The following RPS6KA1 variants were observed in gnomAD, a reference collection of about 807,000 sequenced individuals.
RPS6KA1 encodes ribosomal protein S6 kinase A1, also known as ribosomal protein S6 kinase alpha-1.
RPS6KA1 carries 48 observed loss-of-function variants against 91.3 expected under a neutral mutation model. The observed-to-expected ratio is 0.53, with a 90% CI of 0.42 to 0.67. RPS6KA1 has a LOEUF of 0.67. Among genes scored for constraint, RPS6KA1 ranks in the 30% least tolerant of loss-of-function variants. RPS6KA1 has a pLI of 0.00. For synonymous variants in RPS6KA1, 359 were observed against 384.7 expected (o/e 0.93, Z 0.78); for missense variants, 719 against 960.5 (o/e 0.75, Z 3.32).
At chr1:26,543,189 G>A in intron 2 of RPS6KA1, 1 of 1,535,704 alleles carries the variant, frequency 6.5e-7, no homozygotes, top group Non-Finnish European at 8.7e-7. Context: ...TTTCCCCAGG[G>A]TTGAGAGAGA....
rs886638626 is a variant in RPS6KA1, at chr1:26,558,502, T to G, written c.1085-305T>G. ...TCTGGCTGCTGTGCAGAGATGGACC[T>G]GAAGGGGCTGACGTAAGATGGGGAA... On this transcript the variant is annotated intron_variant, in intron 13 of 21. Transcript: ENST00000374168. This position sits in a 1 kb window ranked among gnomAD's most constrained non-coding sequence, Gnocchi z 4.0. 5.3e-5 allele frequency among the ~76,000 whole-genome samples: 8 copies of G among 152,174 alleles called. No homozygotes were observed. The highest frequency in any genetic ancestry group is 8.8e-5 in the Non-Finnish European group (6 of 68,010).
intron 17 of RPS6KA1, among the ~76,000 whole-genome samples, chr1:26,563,524 G>A (rs2076172861): frequency 6.6e-6 from 1 of 152,196 alleles, no homozygotes; most frequent in Admixed American, 6.6e-5. Context: ...ACCTTACCCA[G>A]CCTCTTTTCT....
chr1:26,553,364 G>A (rs748559933), intron 6 of RPS6KA1, 27 bp from the exon 7 acceptor site: 1 of 1,509,810 alleles, frequency 6.6e-7, no homozygotes, highest in South Asian at 1.1e-5. Context: ...GGAGGTCCCT[G>A]CTGAAGGCCC....
chr1:26,539,553 T>C (rs996232729), intron 2 of RPS6KA1, among the ~76,000 whole-genome samples: 1 of 152,224 alleles, frequency 6.6e-6, no homozygotes, highest in Non-Finnish European at 1.5e-5. Context: ...ATAAAGCCTA[T>C]TTCTCAGGGC....
chr1:26,532,176 T>C (rs1001651318), intron 1 of RPS6KA1, among the ~76,000 whole-genome samples: 1 of 151,998 alleles, frequency 6.6e-6, no homozygotes, highest in African/African-American at 2.4e-5. Context: ...GAGTAATCTA[T>C]GGGAAGCGTG....
chr1:26,560,065 A>T (rs2076140788), intron 14 of RPS6KA1, among the ~76,000 whole-genome samples: 2 of 152,238 alleles, frequency 1.3e-5, no homozygotes, highest in Non-Finnish European at 2.9e-5. Context: ...GTCTCAAAAA[A>T]TAAATAAATA....
At chr1:26,557,289 A>AT (rs2076111358) in intron 13 of RPS6KA1, among the ~76,000 whole-genome samples, 189 bp downstream of exon 13, 1 of 151,966 alleles carries the variant, frequency 6.6e-6, no homozygotes, top group African/African-American at 2.4e-5. Context: ...CTCTCTCACT[A>AT]TGGGGCTCTG....
intron 4 of RPS6KA1, among the ~76,000 whole-genome samples, chr1:26,550,207 A>G (rs1249735806): frequency 9.2e-6 from 1 of 108,648 alleles, no homozygotes. Context: ...TTTTTGAGGC[A>G]GAGTCTCACT....
At chr1:26,545,178 C>CT (rs2075982203) in intron 2 of RPS6KA1, among the ~76,000 whole-genome samples, 2 of 148,760 alleles carry the variant, frequency 1.3e-5, no homozygotes, top group Non-Finnish European at 3.0e-5. Flanking sequence ...TTTTCTTTTT[C>CT]TTTTTTTTTG....
chr1:26,562,045 T>C (rs1477831967), intron 17 of RPS6KA1, among the ~76,000 whole-genome samples: 1 of 151,886 alleles, frequency 6.6e-6, no homozygotes, highest in African/African-American at 2.4e-5. Flanking sequence ...TCTACTAAAA[T>C]ACAAAAAAAT....
intron 15 of RPS6KA1, 68 bp from the exon 16 acceptor site, chr1:26,560,977 G>A: frequency 6.3e-7 from 1 of 1,590,160 alleles, no homozygotes; most frequent in South Asian, 1.1e-5. Flanking sequence ...CTCCTGGCCT[G>A]CTCCATGGCC....
In RPS6KA1 at chr1:26,555,117, G is replaced by A; in HGVS notation, c.757-34G>A. The A allele has an allele frequency of 1.9e-6, 3 of 1,607,458 alleles. No individual in the cohort carries two copies. Among genetic ancestry groups the A allele is most frequent in the South Asian group, 1.1e-5 (1 of 90,934 alleles). ...AGGCGGGAGGTGTGTCGGAGACAGG[G>A]ATCAGAGCCTGAATAGATCCTTGTC... On this transcript the variant is annotated intron_variant, in intron 9 of 21. Transcript: ENST00000374168. This position sits in a 1 kb window ranked among gnomAD's most constrained non-coding sequence, Gnocchi z 4.3.
At chr1:26,545,256 G>C (rs769149683) in intron 2 of RPS6KA1, among the ~76,000 whole-genome samples, 3 of 150,182 alleles carry the variant, frequency 2.0e-5, no homozygotes, top group Non-Finnish European at 4.4e-5. Flanking sequence ...TGCAAGCTCC[G>C]CCTTCCAGGT....
chr1:26,574,315 G>A lies in RPS6KA1; in HGVS notation c.*114G>A. ...GAGGGAGCTGGAACCCGAGGGGCCGGGGAAGCTGCCAGCCCAGAACACCCC... is the reference window on the plus strand; with the variant it reads ...GAGGGAGCTGGAACCCGAGGGGCCGAGGAAGCTGCCAGCCCAGAACACCCC... On this transcript the variant is annotated 3_prime_UTR_variant, in exon 22 of 22. Transcript: ENST00000374168. The surrounding 1 kb of genome is among the most constrained non-coding windows in gnomAD (Gnocchi z 4.3). 1 of 1,354,110 alleles carries A rather than the reference G, an allele frequency of 7.4e-7. No individual in the cohort carries two copies. Among genetic ancestry groups the A allele is most frequent in the Non-Finnish European group, 1.1e-6 (1 of 944,672 alleles). 83.9% of individuals were successfully genotyped at this position (1,354,110 alleles called of 1,614,324 possible).
Position 26,547,280 on chromosome 1 carries a change from G to T in RPS6KA1, c.307+10G>T. The T allele has an allele frequency of 6.2e-7, 1 of 1,609,678 alleles. No homozygotes were observed. Among genetic ancestry groups the T allele is most frequent in the South Asian group, 1.1e-5 (1 of 90,770 alleles). On this transcript the variant is annotated intron_variant, in intron 4 of 21. Transcript: ENST00000374168. This position sits in a 1 kb window ranked among gnomAD's most constrained non-coding sequence, Gnocchi z 4.1. The stretch of plus-strand genomic sequence containing the variant: ...AAGGCAACGCTGAAAGGTGAGTGGG[G>T]ACACCTCCCTGTGCAGAACCCAGGC...
rs112015284 is a variant in RPS6KA1, at chr1:26,551,554, C to T, written c.388+77C>T. 1.3e-5 allele frequency: 20 copies of T among 1,595,538 alleles called. No homozygotes were observed. Among genetic ancestry groups the T allele is most frequent in the East Asian group, 2.2e-5 (1 of 44,794 alleles). On this transcript the variant is annotated intron_variant, in intron 5 of 21. Coordinates refer to ENST00000374168, the MANE Select transcript of RPS6KA1 (RefSeq NM_002953.4). This position sits in a 1 kb window ranked among gnomAD's most constrained non-coding sequence, Gnocchi z 4.5. ...GCCTGTGGTCTGTACACTGTCCCAC[C>T]GCCTGCCTGGCAGGCCAAGGGAGCC...
chr1:26,554,464 G>A lies in RPS6KA1; in HGVS notation c.614-132G>A. ...TTGAGCAAGTCACCTGACCTCTCTG[G>A]GCCTTAGCTTCCTCCTGAGTGTCAT... is the stretch of plus-strand genomic sequence containing the variant. On this transcript the variant is annotated intron_variant, in intron 8 of 21. Coordinates refer to ENST00000374168, the MANE Select transcript of RPS6KA1 (RefSeq NM_002953.4). This position sits in a 1 kb window ranked among gnomAD's most constrained non-coding sequence, Gnocchi z 4.6. 7.8e-7 allele frequency: 1 copy of A among 1,282,800 alleles called. No individual in the cohort carries two copies. Among genetic ancestry groups the A allele is most frequent in the Non-Finnish European group, 1.1e-6 (1 of 915,992 alleles). The allele number at this position is 1,282,800 out of a possible 1,614,324, so 79.5% of individuals were successfully genotyped here.
Position 26,554,504 on chromosome 1 carries a change from C to G in RPS6KA1, c.614-92C>G, listed in dbSNP as rs961429583. 6 of 1,510,544 alleles carry G rather than the reference C, an allele frequency of 4.0e-6. No individual in the cohort carries two copies. In the African/African-American group the frequency reaches 5.5e-5, roughly 14 times the overall value. 93.6% of individuals were successfully genotyped at this position (1,510,544 alleles called of 1,614,324 possible). On this transcript the variant is annotated intron_variant, in intron 8 of 21. Coordinates refer to ENST00000374168, the MANE Select transcript of RPS6KA1 (RefSeq NM_002953.4). The surrounding 1 kb of genome is among the most constrained non-coding windows in gnomAD (Gnocchi z 4.6). Reference sequence around the variant, plus strand: ...CTGAGTGTCATGGGGGTGATGCCTTCTGGCCTCTGGGCACGGGGGTTGGGT... The same window carrying G: ...CTGAGTGTCATGGGGGTGATGCCTTGTGGCCTCTGGGCACGGGGGTTGGGT...
rs1484789693 is a variant in RPS6KA1, at chr1:26,546,847, C to T, written c.109-20C>T. On this transcript the variant is annotated intron_variant, in intron 2 of 21. Transcript: ENST00000374168. ...CCTGGATGGGGCCCACCATGCCCAC[C>T]AGCTCTGTCCCTCCATCAGGATGAG... The T allele has an allele frequency of 6.2e-7, 1 of 1,603,376 alleles. No individual in the cohort carries two copies. The highest frequency in any genetic ancestry group is 8.5e-7 in the Non-Finnish European group (1 of 1,170,728).
Sources: allele counts gnomAD v4.1 joint callset (sites outside exome capture counted in the v4.1 genomes callset), GRCh38; gene constraint gnomAD v4.1.1; non-coding constraint Gnocchi (gnomAD v3.1); transcripts MANE v1.5; gene names NCBI Gene and HGNC (gene_info 2026-07-23, HGNC 2026-07-21).